Variants in GJD3 observed in about 807,000 individuals in gnomAD.
GJD3 encodes the protein gap junction delta-3 protein.
For synonymous variants in GJD3, 217 were observed against 226.7 expected (o/e 0.96, Z 0.38); for missense variants, 421 against 448.5 (o/e 0.94, Z 0.55).
In GJD3 at chr17:40,363,379, G is replaced by T; in HGVS notation, c.437C>A (p.Ala146Asp). 5 of 1,397,506 alleles carry T rather than the reference G, an allele frequency of 3.6e-6. No individual in the cohort carries two copies. The highest frequency in any genetic ancestry group is 4.7e-6 in the Non-Finnish European group (5 of 1,074,924). The allele number at this position is 1,397,506 out of a possible 1,614,324, so 86.6% of individuals were successfully genotyped here. A position where few individuals can be genotyped will look rare whatever the true frequency, so the allele number is the denominator to read the frequency against. ...YLLSVALRLL[A>D]ELTFLGGQAL... Reference sequence around the variant, plus strand: ...CTGGCCGCCCAGGAAGGTCAGCTCGGCCAGCAGGCGCAGCGCCACGCTCAG... The same window carrying T: ...CTGGCCGCCCAGGAAGGTCAGCTCGTCCAGCAGGCGCAGCGCCACGCTCAG... The change falls in exon 1 of 1, where the codon GCC (alanine) becomes GAC (aspartate). Residue 146 changes from alanine to aspartate, a missense_variant. Physicochemically the swap from Ala to Asp is moderately radical, Grantham distance 126. Transcript: ENST00000578689. The surrounding 1 kb of genome is among the most constrained non-coding windows in gnomAD (Gnocchi z 5.5).
At position 40,362,954 on chromosome 17, in the gene GJD3, C is replaced by T. The variant is rs997481267; in HGVS notation, c.862G>A (p.Gly288Ser). ...SGRGKASPAT[G>S]RRDLAI ...CCCTAGATGGCCAGATCTCGGCGGCCGGTGGCCGGTGACGCCTTGCCGCGG... is the reference window on the plus strand; with the variant it reads ...CCCTAGATGGCCAGATCTCGGCGGCTGGTGGCCGGTGACGCCTTGCCGCGG... The change falls in exon 1 of 1, where the codon GGC becomes AGC. Residue 288 changes from glycine (G) to serine (S), a missense_variant. By Grantham distance (56) the Gly-to-Ser change is moderately conservative. Coordinates refer to ENST00000578689, the MANE Select transcript of GJD3 (RefSeq NM_152219.4). 2 of 1,244,196 alleles carry T rather than the reference C, an allele frequency of 1.6e-6. No homozygotes were observed. Among genetic ancestry groups the T allele is most frequent in the African/African-American group, 1.6e-5 (1 of 63,466 alleles). The allele number at this position is 1,244,196 out of a possible 1,614,324, so 77.1% of individuals were successfully genotyped here.
chr17:40,364,358 A>C lies in GJD3; in HGVS notation c.-543T>G, dbSNP rs1440642816. 1 of 169,434 alleles carries C rather than the reference A, an allele frequency of 5.9e-6. No homozygotes were observed. Among genetic ancestry groups the C allele is most frequent in the East Asian group, 1.9e-4 (1 of 5,206 alleles). 10.5% of individuals were successfully genotyped at this position (169,434 alleles called of 1,614,324 possible). ...CCATTTCTCTCACCATTTTTACTGC[A>C]GTGAACTCCTCTCAGGGTGGGGGGC... On this transcript the variant is annotated 5_prime_UTR_variant, in exon 1 of 1. Transcript: ENST00000578689.
Position 40,362,926 on chromosome 17 carries a change from C to G in GJD3, c.*5G>C. On this transcript the variant is annotated 3_prime_UTR_variant, in exon 1 of 1. Transcript: ENST00000578689. ...CGTCCAGTCCGCGCGAGGCGGTGCC[C>G]GCCCCTAGATGGCCAGATCTCGGCG... The G allele has an allele frequency of 8.2e-7, 1 of 1,217,168 alleles. No individual in the cohort carries two copies. Among genetic ancestry groups the G allele is most frequent in the Non-Finnish European group, 1.0e-6 (1 of 976,086 alleles). The allele number at this position is 1,217,168 out of a possible 1,614,324, so 75.4% of individuals were successfully genotyped here. A position where few individuals can be genotyped will look rare whatever the true frequency, so the allele number is the denominator to read the frequency against.
At position 40,363,947 on chromosome 17, in the gene GJD3, C is replaced by T; in HGVS notation, c.-132G>A. On this transcript the variant is annotated 5_prime_UTR_variant, in exon 1 of 1. Transcript: ENST00000578689. The surrounding 1 kb of genome is among the most constrained non-coding windows in gnomAD (Gnocchi z 5.5). ...GGTGAGTCGTGAGGTAGGAGAGGCCCGGGTTTAGCGATGAGACCAGTATGA... is the reference window on the plus strand; with the variant it reads ...GGTGAGTCGTGAGGTAGGAGAGGCCTGGGTTTAGCGATGAGACCAGTATGA... 7.9e-7 allele frequency: 1 copy of T among 1,271,804 alleles called. No individual in the cohort carries two copies. The highest frequency in any genetic ancestry group is 1.1e-6 in the Non-Finnish European group (1 of 934,554). The allele number at this position is 1,271,804 out of a possible 1,614,324, so 78.8% of individuals were successfully genotyped here. A position where few individuals can be genotyped will look rare whatever the true frequency, so the allele number is the denominator to read the frequency against.
chr17:40,363,750 G>T lies in GJD3; in HGVS notation c.66C>A (p.Gly22=), dbSNP rs745400614. The T allele has an allele frequency of 4.2e-5, 68 of 1,609,216 alleles. No individual in the cohort carries two copies. Among genetic ancestry groups the T allele is most frequent in the Non-Finnish European group, 5.6e-5 (66 of 1,178,988 alleles). ...DAVQLQSPLV[G]RLWLVVMLIF... is the part of the protein sequence containing the mutation. ...TCAGCATGACCACCAGCCAGAGGCG[G>T]CCCACGAGCGGCGACTGCAGCTGCA... is the stretch of plus-strand genomic sequence containing the variant. The change falls in exon 1 of 1, where the codon GGC becomes GGA. Residue 22 remains glycine, a synonymous_variant. Transcript: ENST00000578689. The surrounding 1 kb of genome is among the most constrained non-coding windows in gnomAD (Gnocchi z 5.5).
In GJD3 at chr17:40,364,065, C is replaced by T. The variant is rs370475606; in HGVS notation, c.-250G>A. On this transcript the variant is annotated 5_prime_UTR_variant, in exon 1 of 1. Coordinates refer to ENST00000578689, the MANE Select transcript of GJD3 (RefSeq NM_152219.4). Reference sequence around the variant, plus strand: ...GACCGATGGGTGCTGGGGAGGATCCCCCATTTGCATTTTAGCCGCACCCCC... The same window carrying T: ...GACCGATGGGTGCTGGGGAGGATCCTCCATTTGCATTTTAGCCGCACCCCC... 29 of 478,932 alleles carry T rather than the reference C, an allele frequency of 6.1e-5. No homozygotes were observed. The highest frequency in any genetic ancestry group is 4.0e-4 in the Middle Eastern group (1 of 2,518). 29.7% of individuals were successfully genotyped at this position (478,932 alleles called of 1,614,324 possible). A position where few individuals can be genotyped will look rare whatever the true frequency, so the allele number is the denominator to read the frequency against.
Position 40,362,235 on chromosome 17 carries a change from G to A in GJD3, c.*696C>T, listed in dbSNP as rs1657448687. 1.3e-5 allele frequency among the ~76,000 whole-genome samples: 2 copies of A among 152,000 alleles called. No homozygotes were observed. Among genetic ancestry groups the A allele is most frequent in the African/African-American group, 4.8e-5 (2 of 41,350 alleles). ...CACAAGGATGTTTCTGTGTACAGGT[G>A]TGCACACGCAGCCCACACAGAATGG... On this transcript the variant is annotated 3_prime_UTR_variant, in exon 1 of 1. Coordinates refer to ENST00000578689, the MANE Select transcript of GJD3 (RefSeq NM_152219.4).
chr17:40,362,865 G>C lies in GJD3; in HGVS notation c.*66C>G. The C allele has an allele frequency of 8.9e-7, 1 of 1,123,612 alleles. No individual in the cohort carries two copies. The highest frequency in any genetic ancestry group is 1.1e-6 in the Non-Finnish European group (1 of 917,274). The allele number at this position is 1,123,612 out of a possible 1,614,324, so 69.6% of individuals were successfully genotyped here. ...CTGGTGGAAGCAGCTTCCGGCTTCT[G>C]CGGTGCGGGCGGAGGTGGCGGGGTC... On this transcript the variant is annotated 3_prime_UTR_variant, in exon 1 of 1. Transcript: ENST00000578689.
rs1338264846 is a variant in GJD3, at chr17:40,363,631, C to A, written c.185G>T (p.Arg62Leu). The A allele has an allele frequency of 6.2e-7, 1 of 1,604,684 alleles. No homozygotes were observed. The highest frequency in any genetic ancestry group is 1.7e-5 in the Admixed American group (1 of 58,900). ...FVCNTLQPGCRQTCYDRAFPV... is the reference protein window; with the variant it reads ...FVCNTLQPGCLQTCYDRAFPV... Reference sequence around the variant, plus strand: ...GAAGGCGCGGTCGTAGCAGGTCTGGCGACAGCCCGGCTGCAGCGTGTTGCA... The same window carrying A: ...GAAGGCGCGGTCGTAGCAGGTCTGGAGACAGCCCGGCTGCAGCGTGTTGCA... The change falls in exon 1 of 1, where the codon CGC becomes CTC. Residue 62 changes from arginine (R) to leucine (L), a missense_variant. Transcript: ENST00000578689. This position sits in a 1 kb window ranked among gnomAD's most constrained non-coding sequence, Gnocchi z 5.5.
chr17:40,362,793 G>A lies in GJD3; in HGVS notation c.*138C>T. On this transcript the variant is annotated 3_prime_UTR_variant, in exon 1 of 1. Coordinates refer to ENST00000578689, the MANE Select transcript of GJD3 (RefSeq NM_152219.4). ...GAGGCAAGTGCGATGCCGCCCGCGGGCCGTCCCCACAACGCGTCTCCTGCC... is the reference window on the plus strand; with the variant it reads ...GAGGCAAGTGCGATGCCGCCCGCGGACCGTCCCCACAACGCGTCTCCTGCC... The A allele has an allele frequency of 9.5e-7, 1 of 1,053,402 alleles. No homozygotes were observed. Among genetic ancestry groups the A allele is most frequent in the Non-Finnish European group, 1.2e-6 (1 of 866,004 alleles). 65.3% of individuals were successfully genotyped at this position (1,053,402 alleles called of 1,614,324 possible). A position where few individuals can be genotyped will look rare whatever the true frequency, so the allele number is the denominator to read the frequency against.
At position 40,363,948 on chromosome 17, in the gene GJD3, G is replaced by T. The variant is rs1407477006; in HGVS notation, c.-133C>A. ...GTGAGTCGTGAGGTAGGAGAGGCCC[G>T]GGTTTAGCGATGAGACCAGTATGAA... On this transcript the variant is annotated 5_prime_UTR_variant, in exon 1 of 1. Transcript: ENST00000578689. The surrounding 1 kb of genome is among the most constrained non-coding windows in gnomAD (Gnocchi z 5.5). 1.6e-6 allele frequency: 2 copies of T among 1,269,484 alleles called. No individual in the cohort carries two copies. Among genetic ancestry groups the T allele is most frequent in the Admixed American group, 2.8e-5 (1 of 35,438 alleles). The allele number at this position is 1,269,484 out of a possible 1,614,324, so 78.6% of individuals were successfully genotyped here.
Position 40,362,840 on chromosome 17 carries a change from C to G in GJD3, c.*91G>C. On this transcript the variant is annotated 3_prime_UTR_variant, in exon 1 of 1. Coordinates refer to ENST00000578689, the MANE Select transcript of GJD3 (RefSeq NM_152219.4). ...TGCCGGGGCAGGTCCCGCGACAGCT[C>G]TGGTGGAAGCAGCTTCCGGCTTCTG... The G allele has an allele frequency of 9.2e-7, 1 of 1,081,342 alleles. No homozygotes were observed. Among genetic ancestry groups the G allele is most frequent in the Non-Finnish European group, 1.1e-6 (1 of 891,278 alleles). The allele number at this position is 1,081,342 out of a possible 1,614,324, so 67.0% of individuals were successfully genotyped here.
rs1198860312 is a variant in GJD3, at chr17:40,363,610, G to A, written c.206C>T (p.Ala69Val). The A allele has an allele frequency of 1.9e-6, 3 of 1,602,146 alleles. No individual in the cohort carries two copies. Among genetic ancestry groups the A allele is most frequent in the Non-Finnish European group, 1.7e-6 (2 of 1,175,130 alleles). ...GAAGCGGTAGTGGGAGACCGGGAAG[G>A]CGCGGTCGTAGCAGGTCTGGCGACA... The part of the protein sequence containing the change: ...PGCRQTCYDR[A>V]FPVSHYRFWL... The change falls in exon 1 of 1, where the codon GCC becomes GTC. Residue 69 changes from alanine to valine, a missense_variant. Physicochemically the swap from Ala to Val is moderately conservative, Grantham distance 64. Coordinates refer to ENST00000578689, the MANE Select transcript of GJD3 (RefSeq NM_152219.4). The surrounding 1 kb of genome is among the most constrained non-coding windows in gnomAD (Gnocchi z 5.5).
Position 40,362,260 on chromosome 17 carries a change from G to A in GJD3, c.*671C>T, listed in dbSNP as rs2034759152. On this transcript the variant is annotated 3_prime_UTR_variant, in exon 1 of 1. Coordinates refer to ENST00000578689, the MANE Select transcript of GJD3 (RefSeq NM_152219.4). ...GTGCACACGCAGCCCACACAGAATGGACATGTGCGTGTGTGCACAATGCAC... is the reference window on the plus strand; with the variant it reads ...GTGCACACGCAGCCCACACAGAATGAACATGTGCGTGTGTGCACAATGCAC... 6.6e-6 allele frequency among the ~76,000 whole-genome samples: 1 copy of A among 152,170 alleles called. No individual in the cohort carries two copies. Among genetic ancestry groups the A allele is most frequent in the Non-Finnish European group, 1.5e-5 (1 of 68,010 alleles).
In GJD3 at chr17:40,364,559, G is replaced by T; in HGVS notation, c.-744C>A. 1 of 167,374 alleles carries T rather than the reference G, an allele frequency of 6.0e-6. No individual in the cohort carries two copies. Among genetic ancestry groups the T allele is most frequent in the Non-Finnish European group, 1.5e-5 (1 of 68,416 alleles). 10.4% of individuals were successfully genotyped at this position (167,374 alleles called of 1,614,324 possible). ...TCCTCCCCACCCCACACTTACACAGGTCCCCACACGCCCCTGGTGCCCCTA... is the reference window on the plus strand; with the variant it reads ...TCCTCCCCACCCCACACTTACACAGTTCCCCACACGCCCCTGGTGCCCCTA... On this transcript the variant is annotated 5_prime_UTR_variant, in exon 1 of 1. Transcript: ENST00000578689.
chr17:40,361,144 G>A lies in GJD3; in HGVS notation c.*1787C>T, dbSNP rs2143575126. On this transcript the variant is annotated 3_prime_UTR_variant, in exon 1 of 1. Transcript: ENST00000578689. The stretch of plus-strand genomic sequence containing the variant: ...TCCCAAGTGACAACAATAGGTGGGT[G>A]GGCATTAGCTAGGGGAGGAGAAGGC... 1 of 408,688 alleles carries A rather than the reference G, an allele frequency of 2.4e-6. No homozygotes were observed. The highest frequency in any genetic ancestry group is 4.9e-6 in the Non-Finnish European group (1 of 205,264). The allele number at this position is 408,688 out of a possible 1,614,324, so 25.3% of individuals were successfully genotyped here. A position where few individuals can be genotyped will look rare whatever the true frequency, so the allele number is the denominator to read the frequency against.
Position 40,363,772 on chromosome 17 carries a change from T to A in GJD3, c.44A>T (p.Gln15Leu). 6.2e-7 allele frequency: 1 copy of A among 1,608,914 alleles called. No homozygotes were observed. The highest frequency in any genetic ancestry group is 8.5e-7 in the Non-Finnish European group (1 of 1,178,602). Residue 15 changes from glutamine (Q) to leucine (L), a missense_variant, in exon 1 of 1, where the codon CAG (glutamine) becomes CTG (leucine). Transcript: ENST00000578689. This position sits in a 1 kb window ranked among gnomAD's most constrained non-coding sequence, Gnocchi z 5.5. ...GCGGCCCACGAGCGGCGACTGCAGC[T>A]GCACGGCGTCCAGCAGCGAGCCCAG... ...AFLGSLLDAV[Q>L]LQSPLVGRLW... is the part of the protein sequence containing the mutation.
rs1352055116 is a variant in GJD3 at position 40,363,140 on chromosome 17, G to C, written c.676C>G (p.Arg226Gly). ...GCCTCTTCGTGTGCACGGTTGCAGC[G>C]GTTGTCACGCTCCCCGGCGCGCGGG... ...GRPRAGERDNRCNRAHEEAQK... is the reference protein window; with the variant it reads ...GRPRAGERDNGCNRAHEEAQK... The change falls in exon 1 of 1, where the codon CGC (arginine) becomes GGC (glycine). Residue 226 changes from arginine to glycine, a missense_variant. Physicochemically the swap from Arg to Gly is moderately radical, Grantham distance 125 (BLOSUM62 -2). Coordinates refer to ENST00000578689, the MANE Select transcript of GJD3 (RefSeq NM_152219.4). The surrounding 1 kb of genome is among the most constrained non-coding windows in gnomAD (Gnocchi z 5.5). 1.3e-5 allele frequency: 18 copies of C among 1,405,660 alleles called. No homozygotes were observed. The highest frequency in any genetic ancestry group is 1.7e-5 in the Non-Finnish European group (18 of 1,076,386). 87.1% of individuals were successfully genotyped at this position (1,405,660 alleles called of 1,614,324 possible).
Position 40,362,859 on chromosome 17 carries a change from G to A in GJD3, c.*72C>T. 9.0e-7 allele frequency: 1 copy of A among 1,113,274 alleles called. No individual in the cohort carries two copies. Among genetic ancestry groups the A allele is most frequent in the Non-Finnish European group, 1.1e-6 (1 of 910,980 alleles). The allele number at this position is 1,113,274 out of a possible 1,614,324, so 69.0% of individuals were successfully genotyped here. ...ACAGCTCTGGTGGAAGCAGCTTCCG[G>A]CTTCTGCGGTGCGGGCGGAGGTGGC... On this transcript the variant is annotated 3_prime_UTR_variant, in exon 1 of 1. Transcript: ENST00000578689.
Sources: gnomAD v4.1 joint callset for allele counts (sites outside exome capture counted in the v4.1 genomes callset) on GRCh38, gnomAD v4.1.1 for gene constraint, Gnocchi (gnomAD v3.1) non-coding constraint, MANE v1.5 for transcripts, NCBI Gene and HGNC (gene_info 2026-07-23, HGNC 2026-07-21) for gene names.